Variants in TMEFF2 observed in about 807,000 individuals in gnomAD.
The protein encoded by TMEFF2 is transmembrane protein with EGF like and two follistatin like domains 2.
In TMEFF2, 28 loss-of-function variants were observed where a neutral mutation model predicts 53.8. The observed-to-expected ratio is 0.52, with a 90% CI of 0.39 to 0.71. The LOEUF (loss-of-function observed/expected upper bound fraction) is 0.71, where lower values mean the gene tolerates loss of function less well. Ranked by LOEUF, TMEFF2 falls within the 30% of genes least tolerant of loss-of-function variation. The pLI is 0.00. For missense variants in TMEFF2, 353 were observed against 455.2 expected (o/e 0.78, Z 2.04); for synonymous variants, 162 against 166.3 (o/e 0.97, Z 0.20).
chr2:192,123,684 T>G (rs975949392), intron 4 of TMEFF2, among the ~76,000 whole-genome samples: 1 of 152,240 alleles, frequency 6.6e-6, no homozygotes, highest in Non-Finnish European at 1.5e-5. Context: ...CAGTTGCTAT[T>G]CTCAACTAAA....
At chr2:192,089,652 C>T (rs1331308021) in intron 4 of TMEFF2, among the ~76,000 whole-genome samples, 3 of 152,102 alleles carry the variant, frequency 2.0e-5, no homozygotes, top group Non-Finnish European at 4.4e-5. Flanking sequence ...CTGCATGTAG[C>T]CACTATTTGC....
intron 5 of TMEFF2, among the ~76,000 whole-genome samples, chr2:192,050,692 C>T (rs1687747608): frequency 6.6e-6 from 1 of 152,166 alleles, no homozygotes; most frequent in African/African-American, 2.4e-5. Context: ...GTTTAATGCC[C>T]TGTATAGACC....
At chr2:191,984,807 A>G (rs1685937768) in intron 7 of TMEFF2, among the ~76,000 whole-genome samples, 1 of 152,108 alleles carries the variant, frequency 6.6e-6, no homozygotes, top group African/African-American at 2.4e-5. Context: ...ATGGAGTTTG[A>G]ATGAGATTTA....
intron 4 of TMEFF2, among the ~76,000 whole-genome samples, chr2:192,152,582 C>T (rs768675061): frequency 4.0e-5 from 6 of 151,890 alleles, no homozygotes; most frequent in Non-Finnish European, 7.4e-5. Context: ...TAAAACATAA[C>T]GTCTATGAAG....
intron 4 of TMEFF2, among the ~76,000 whole-genome samples, chr2:192,141,384 C>T (rs1013671602): frequency 3.4e-5 from 5 of 145,282 alleles, no homozygotes; most frequent in African/African-American, 1.3e-4. Context: ...GCCCAAAAGT[C>T]GGAGGTTGCA....
At chr2:191,972,140 GTTT>G in intron 7 of TMEFF2, among the ~76,000 whole-genome samples, 2 of 47,674 alleles carry the variant, frequency 4.2e-5, no homozygotes, top group Non-Finnish European at 8.0e-5. Flanking sequence ...TTGCGTTAGT[GTTT>G]TTTTGTTTTT....
chr2:192,162,629 C>T (rs760984914), intron 4 of TMEFF2, among the ~76,000 whole-genome samples: 1 of 152,080 alleles, frequency 6.6e-6, no homozygotes, highest in Non-Finnish European at 1.5e-5. Context: ...CCTACTGGTA[C>T]AGCACTACTC....
intron 7 of TMEFF2, among the ~76,000 whole-genome samples, chr2:191,993,127 G>T (rs1442304333): frequency 6.6e-6 from 1 of 152,076 alleles, no homozygotes; most frequent in Non-Finnish European, 1.5e-5. Flanking sequence ...CAGTATATAT[G>T]AAAAGGCTTT....
chr2:191,988,653 A>T (rs948165848), intron 7 of TMEFF2, among the ~76,000 whole-genome samples: 6 of 148,680 alleles, frequency 4.0e-5, no homozygotes, highest in African/African-American at 1.5e-4. Flanking sequence ...CTTAAAAACT[A>T]TTTTTTTTTT....
chr2:192,039,829 T>G (rs925094437), intron 5 of TMEFF2, among the ~76,000 whole-genome samples: 1 of 152,156 alleles, frequency 6.6e-6, no homozygotes, highest in African/African-American at 2.4e-5. Context: ...AGATGCTTCC[T>G]AATCTCTGGC....
intron 4 of TMEFF2, among the ~76,000 whole-genome samples, chr2:192,145,215 GTAAC>G (rs914794022): frequency 5.9e-5 from 9 of 151,908 alleles, no homozygotes; most frequent in Admixed American, 1.3e-4. Context: ...CCTTTGAAAA[GTAAC>G]TAATTTTGCA....
At chr2:192,088,427 C>T (rs907239005) in intron 4 of TMEFF2, among the ~76,000 whole-genome samples, 8 of 152,058 alleles carry the variant, frequency 5.3e-5, no homozygotes, top group East Asian at 1.9e-4. Context: ...TCCAAATCAC[C>T]TCTGTGAATT....
intron 2 of TMEFF2, among the ~76,000 whole-genome samples, chr2:192,188,520 C>A (rs376787281): frequency 1.3e-5 from 2 of 152,156 alleles, no homozygotes; most frequent in South Asian, 4.1e-4. Flanking sequence ...TTCGATTAAG[C>A]CCTACCAAAA....
intron 4 of TMEFF2, among the ~76,000 whole-genome samples, chr2:192,166,069 C>T (rs1039404556): frequency 2.0e-5 from 3 of 152,084 alleles, no homozygotes; most frequent in African/African-American, 4.8e-5. Flanking sequence ...GTTTCTAGTT[C>T]GTGACGCAGT....
chr2:192,010,543 G>A (rs941774390), intron 5 of TMEFF2, among the ~76,000 whole-genome samples: 7 of 151,932 alleles, frequency 4.6e-5, no homozygotes, highest in Non-Finnish European at 1.0e-4. Context: ...CCCCACTGAG[G>A]CATATACCTT....
chr2:192,111,885 C>T (rs1002748761), intron 4 of TMEFF2, among the ~76,000 whole-genome samples: 1 of 152,218 alleles, frequency 6.6e-6, no homozygotes, highest in Non-Finnish European at 1.5e-5. Flanking sequence ...TCAGTGGGTG[C>T]AAGCCCCAAG....
intron 7 of TMEFF2, among the ~76,000 whole-genome samples, chr2:191,981,558 AT>A (rs1321464904): frequency 6.6e-6 from 1 of 152,222 alleles, no homozygotes; most frequent in African/African-American, 2.4e-5. Context: ...CACAAAGTAA[AT>A]GCAAAATTAA....
At chr2:192,118,948 T>C (rs939810694) in intron 4 of TMEFF2, among the ~76,000 whole-genome samples, 2 of 152,148 alleles carry the variant, frequency 1.3e-5, no homozygotes, top group Non-Finnish European at 2.9e-5. Flanking sequence ...TACTTGACAA[T>C]ACAAGTTCTG....
intron 2 of TMEFF2, among the ~76,000 whole-genome samples, chr2:192,191,430 T>C (rs1691458220): frequency 6.6e-6 from 1 of 152,104 alleles, no homozygotes; most frequent in Non-Finnish European, 1.5e-5. Flanking sequence ...AATAAGGAGT[T>C]ACCTTAAAAA....
Sources: allele counts gnomAD v4.1 joint callset (sites outside exome capture counted in the v4.1 genomes callset), GRCh38; gene constraint gnomAD v4.1.1; transcripts MANE v1.5; gene names NCBI Gene and HGNC (gene_info 2026-07-23, HGNC 2026-07-21).